The following KAT7 variants were observed in gnomAD, a reference collection of about 807,000 sequenced individuals.
The protein encoded by KAT7 is lysine acetyltransferase 7, also known as histone acetyltransferase KAT7.
Under a neutral mutation model 82.1 loss-of-function variants are expected in KAT7, and 10 were observed. The observed-to-expected ratio is 0.12, with a 90% CI of 0.08 to 0.21. KAT7 has a LOEUF of 0.21. Among genes scored for constraint, KAT7 ranks in the 10% least tolerant of loss-of-function variants. The pLI, the probability that KAT7 is intolerant of heterozygous loss-of-function variation, is 1.00. For missense variants in KAT7, 378 were observed against 760.9 expected (o/e 0.50, Z 5.92); for synonymous variants, 250 against 262.5 (o/e 0.95, Z 0.46).
At chr17:49,824,586 C>T (rs2143988639) in intron 12 of KAT7, 1 of 152,284 alleles carries the variant, frequency 6.6e-6, no homozygotes, top group South Asian at 2.1e-4. Context: ...GTCTCGAACT[C>T]CCGAGCTCAG....
chr17:49,796,629 G>T (rs1311051034), intron 2 of KAT7, 121 bp from the exon 3 acceptor site: 1 of 686,838 alleles, frequency 1.5e-6, no homozygotes, highest in Non-Finnish European at 2.3e-6. Flanking sequence ...ATATTTTAAG[G>T]ATTTGTTGGA....
chr17:49,789,596 T>A (rs1418492338), intron 1 of KAT7: 3 of 152,078 alleles, frequency 2.0e-5, no homozygotes, highest in African/African-American at 7.2e-5. Flanking sequence ...CGGAGGCCCA[T>A]GGAGTGCCGC....
intron 3 of KAT7, among the ~76,000 whole-genome samples, chr17:49,797,932 C>T (rs1226062370): frequency 2.6e-5 from 4 of 152,226 alleles, no homozygotes; most frequent in Admixed American, 2.6e-4. Context: ...TCACATCTTA[C>T]ACCAAGCCTG....
At chr17:49,811,615 T>C (rs543860819) in intron 7 of KAT7, 41 bp downstream of exon 7, 3 of 1,035,006 alleles carry the variant, frequency 2.9e-6, no homozygotes, top group East Asian at 5.4e-5. Context: ...GAACTCCTGC[T>C]ATCACATTTG....
chr17:49,809,017 A>T (rs1162558580), intron 5 of KAT7, 102 bp from the exon 6 acceptor site: 1 of 842,592 alleles, frequency 1.2e-6, no homozygotes, highest in Non-Finnish European at 1.9e-6. Context: ...CTTTGAAAGT[A>T]AAGTACAACA....
At chr17:49,789,619 C>G (rs1215610709) in intron 1 of KAT7, 4 of 152,326 alleles carry the variant, frequency 2.6e-5, no homozygotes, top group Non-Finnish European at 5.9e-5. Flanking sequence ...GCCACTCAGG[C>G]AGTGGCAGAT....
chr17:49,808,697 C>CTAAG (rs2074123966), intron 5 of KAT7, among the ~76,000 whole-genome samples: 1 of 152,132 alleles, frequency 6.6e-6, no homozygotes, highest in Non-Finnish European at 1.5e-5. Context: ...GCTAATCTGC[C>CTAAG]CGCCTCAGCC....
At chr17:49,802,717 C>T (rs1285910793) in intron 4 of KAT7, among the ~76,000 whole-genome samples, 1 of 151,560 alleles carries the variant, frequency 6.6e-6, no homozygotes, top group African/African-American at 2.4e-5. Context: ...AAAAGCAAGT[C>T]TTGCAGTATT....
At chr17:49,824,464 A>G (rs1402395453) in intron 12 of KAT7, 1 of 152,198 alleles carries the variant, frequency 6.6e-6, no homozygotes, top group African/African-American at 2.4e-5. Flanking sequence ...GGTTCAGGCA[A>G]TTCTACTGCC....
intron 3 of KAT7, among the ~76,000 whole-genome samples, chr17:49,797,895 C>T (rs1338375955): frequency 6.6e-6 from 1 of 152,114 alleles, no homozygotes; most frequent in Non-Finnish European, 1.5e-5. Flanking sequence ...AGACTACAAA[C>T]AGGCTCACTC....
At chr17:49,817,049 C>G (rs779772127) in intron 8 of KAT7, among the ~76,000 whole-genome samples, 1 of 152,048 alleles carries the variant, frequency 6.6e-6, no homozygotes, top group African/African-American at 2.4e-5. Context: ...TTTTAAAGGG[C>G]CTGTTTTTTT....
chr17:49,793,964 T>C (rs992124719), intron 2 of KAT7, among the ~76,000 whole-genome samples: 1 of 152,226 alleles, frequency 6.6e-6, no homozygotes, highest in African/African-American at 2.4e-5. Flanking sequence ...TTAACAACTG[T>C]TCCTAACTTT....
intron 3 of KAT7, among the ~76,000 whole-genome samples, chr17:49,797,288 C>T (rs1186967651): frequency 1.3e-5 from 2 of 152,110 alleles, no homozygotes; most frequent in African/African-American, 4.8e-5. Flanking sequence ...TGGTCTCGAT[C>T]TCCTGACCTC....
chr17:49,826,997 C>T (rs1474236844), intron 14 of KAT7, 198 bp downstream of exon 14: 3 of 489,076 alleles, frequency 6.1e-6, no homozygotes, highest in Non-Finnish European at 1.1e-5. Flanking sequence ...AAGCTCCTGT[C>T]TCAAATTTGG....
At position 49,828,835 on chromosome 17, in the gene KAT7, C is replaced by G. The variant is rs1455788406; in HGVS notation, c.*1333C>G. On this transcript the variant is annotated 3_prime_UTR_variant, in exon 15 of 15. Coordinates refer to ENST00000259021, the MANE Select transcript of KAT7 (RefSeq NM_007067.5). ...TCATGTGGAGCCCTCACCACAATCC[C>G]TGACTCCGGTCATTTGTGCCTTTCT... is the stretch of plus-strand genomic sequence containing the variant. 1 of 153,430 alleles carries G rather than the reference C, an allele frequency of 6.5e-6. No individual in the cohort carries two copies. Among genetic ancestry groups the G allele is most frequent in the African/African-American group, 2.4e-5 (1 of 41,444 alleles). The allele number at this position is 153,430 out of a possible 1,614,324, so 9.5% of individuals were successfully genotyped here. A position where few individuals can be genotyped will look rare whatever the true frequency, so the allele number is the denominator to read the frequency against.
At chr17:49,794,762 C>G (rs555457574) in intron 2 of KAT7, among the ~76,000 whole-genome samples, 2 of 152,206 alleles carry the variant, frequency 1.3e-5, no homozygotes, top group Non-Finnish European at 2.9e-5. Flanking sequence ...CTAGGAAATG[C>G]GTAAGCACTG....
Position 49,788,691 on chromosome 17 carries a change from C to T in KAT7, c.-144C>T, listed in dbSNP as rs534152461. 1 of 886,724 alleles carries T rather than the reference C, an allele frequency of 1.1e-6. No individual in the cohort carries two copies. Among genetic ancestry groups the T allele is most frequent in the African/African-American group, 1.8e-5 (1 of 56,784 alleles). 54.9% of individuals were successfully genotyped at this position (886,724 alleles called of 1,614,324 possible). On this transcript the variant is annotated 5_prime_UTR_variant, in exon 1 of 15. Coordinates refer to ENST00000259021, the MANE Select transcript of KAT7 (RefSeq NM_007067.5). ...GCCCGCGGCGCCTGCGCAGAACGCT[C>T]CAGACGCTGAGAGGCAGGAGGCACT...
At chr17:49,798,598 G>T (rs1567849955) in intron 4 of KAT7, 40 bp downstream of exon 4, 1 of 1,557,228 alleles carries the variant, frequency 6.4e-7, no homozygotes, top group South Asian at 1.2e-5. Flanking sequence ...TTGTTCTGTG[G>T]TTCTCTCTCC....
chr17:49,794,882 C>T (rs1205303794), intron 2 of KAT7, among the ~76,000 whole-genome samples: 1 of 152,126 alleles, frequency 6.6e-6, no homozygotes, highest in East Asian at 1.9e-4. Flanking sequence ...CAAGGTAGAT[C>T]ATATTGTGAA....
Sources: allele counts gnomAD v4.1 joint callset (sites outside exome capture counted in the v4.1 genomes callset), GRCh38; gene constraint gnomAD v4.1.1; transcripts MANE v1.5; gene names NCBI Gene and HGNC (gene_info 2026-07-23, HGNC 2026-07-21).